NOL4L: variants seen among roughly 807,000 people sequenced by gnomAD.
NOL4L encodes the protein nucleolar protein 4-like.
NOL4L carries 7 observed loss-of-function variants against 64.5 expected under a neutral mutation model. The ratio of observed to expected loss-of-function variants is 0.11; its 90% CI spans 0.06 to 0.20. The LOEUF (loss-of-function observed/expected upper bound fraction) is 0.20, where lower values mean the gene tolerates loss of function less well. Among genes scored for constraint, NOL4L ranks in the 10% least tolerant of loss-of-function variants. The pLI is 1.00. For missense variants in NOL4L, 680 were observed against 967.1 expected (o/e 0.70, Z 3.94); for synonymous variants, 413 against 401.0 (o/e 1.03, Z -0.36).
chr20:32,552,296 C>T (rs1978345763), intron 1 of NOL4L, among the ~76,000 whole-genome samples: 1 of 151,988 alleles, frequency 6.6e-6, no homozygotes, highest in South Asian at 2.1e-4. Context: ...GTGATTTCGC[C>T]CGGGGAGAGG....
chr20:32,581,143 C>T (rs976660334), intron 1 of NOL4L, among the ~76,000 whole-genome samples: 10 of 152,164 alleles, frequency 6.6e-5, no homozygotes, highest in Non-Finnish European at 8.8e-5. Context: ...CCTAGCTGCC[C>T]GTGGAGGACT....
chr20:32,506,843 C>T (rs1261017267), intron 4 of NOL4L, among the ~76,000 whole-genome samples: 1 of 152,142 alleles, frequency 6.6e-6, no homozygotes, highest in East Asian at 1.9e-4. Context: ...AATTCTGGGC[C>T]AGGACAGAAC....
At chr20:32,468,685 G>A (rs1028265902) in intron 5 of NOL4L, among the ~76,000 whole-genome samples, 2 of 152,106 alleles carry the variant, frequency 1.3e-5, no homozygotes, top group Non-Finnish European at 2.9e-5. Context: ...CAGATCATGA[G>A]GTCAGGAGTT....
At chr20:32,493,824 G>T (rs749268813) in intron 4 of NOL4L, among the ~76,000 whole-genome samples, 4 of 152,212 alleles carry the variant, frequency 2.6e-5, no homozygotes, top group African/African-American at 9.6e-5. Context: ...TGCTGGTGCT[G>T]CTGCGGCCTC....
At chr20:32,465,882 G>A (rs1295350457) in intron 5 of NOL4L, among the ~76,000 whole-genome samples, 3 of 152,194 alleles carry the variant, frequency 2.0e-5, no homozygotes, top group Non-Finnish European at 4.4e-5. Context: ...CTGCAGGATG[G>A]AGCTCTGTAT....
rs1358069529 is a variant in NOL4L, at chr20:32,447,376, G to C, written c.*220C>G. On this transcript the variant is annotated 3_prime_UTR_variant, in exon 11 of 11. Coordinates refer to ENST00000621426, the MANE Select transcript of NOL4L (RefSeq NM_001256798.2). ...CTGCCCCGTTGGCCTCTTCCAAGCA[G>C]GTCAGAGCACCCGTGTGGTGAGATT... 1 of 607,864 alleles carries C rather than the reference G, an allele frequency of 1.6e-6. No individual in the cohort carries two copies. The highest frequency in any genetic ancestry group is 2.3e-5 in the African/African-American group (1 of 42,846). 37.7% of individuals were successfully genotyped at this position (607,864 alleles called of 1,614,324 possible).
At chr20:32,533,156 A>G (rs919061064) in intron 1 of NOL4L, among the ~76,000 whole-genome samples, 1 of 152,218 alleles carries the variant, frequency 6.6e-6, no homozygotes, top group Admixed American at 6.5e-5. Context: ...CTACACATTT[A>G]TGGAGCTACA....
At chr20:32,560,985 TG>T (rs1343979464) in intron 1 of NOL4L, 2 of 152,212 alleles carry the variant, frequency 1.3e-5, no homozygotes, top group Non-Finnish European at 2.9e-5. Flanking sequence ...CCTGGGCTGC[TG>T]GGGGGGCCCA....
chr20:32,461,210 ACC>A (rs1324386843), intron 5 of NOL4L, among the ~76,000 whole-genome samples: 11 of 152,144 alleles, frequency 7.2e-5, no homozygotes, highest in Non-Finnish European at 1.6e-4. Context: ...CTTTGGGCCC[ACC>A]AGGCCCTTCC....
At chr20:32,475,343 G>A (rs2015320355) in intron 4 of NOL4L, 8 of 985,484 alleles carry the variant, frequency 8.1e-6, no homozygotes, top group Non-Finnish European at 9.6e-6. Context: ...GAAAGGGCCA[G>A]CCCCAGAAGT....
intron 4 of NOL4L, among the ~76,000 whole-genome samples, chr20:32,504,420 T>C (rs1479193264): frequency 6.6e-6 from 1 of 151,762 alleles, no homozygotes; most frequent in East Asian, 2.0e-4. Context: ...ATTAGCCAGG[T>C]GTCATGGCGG....
intron 4 of NOL4L, among the ~76,000 whole-genome samples, chr20:32,508,647 A>C (rs1208510163): frequency 1.3e-5 from 2 of 148,704 alleles, no homozygotes; most frequent in African/African-American, 5.2e-5. Flanking sequence ...ACTACTAATG[A>C]AGCTGAGGAA....
In NOL4L at chr20:32,464,261, AG is replaced by A. The variant is rs944649280; in HGVS notation, c.842-7867del. ...TGTGTTTACACGATGCGTAGTTCCA[AG>A]GAGCACCAGGCTCAGGGCAGGCTGC... On this transcript the variant is annotated intron_variant, in intron 5 of 10. Coordinates refer to ENST00000621426, the MANE Select transcript of NOL4L (RefSeq NM_001256798.2). The surrounding 1 kb of genome is among the most constrained non-coding windows in gnomAD (Gnocchi z 5.6). 1.9e-4 allele frequency among the ~76,000 whole-genome samples: 29 copies of A among 152,192 alleles called. No homozygotes were observed. The highest frequency in any genetic ancestry group is 4.4e-5 in the Non-Finnish European group (3 of 68,026).
Position 32,506,963 on chromosome 20 carries a change from A to C in NOL4L, c.699+4384T>G, listed in dbSNP as rs557178154. 2.6e-5 allele frequency among the ~76,000 whole-genome samples: 4 copies of C among 152,166 alleles called. No individual in the cohort carries two copies. In the South Asian group the frequency reaches 6.2e-4, roughly 24 times the overall value. On this transcript the variant is annotated intron_variant, in intron 4 of 10. Coordinates refer to ENST00000621426, the MANE Select transcript of NOL4L (RefSeq NM_001256798.2). ...ACACACTGCTGTGAGGACCATTAAA[A>C]CCATTAGCGGGACATTAGCTCTGCT...
intron 5 of NOL4L, among the ~76,000 whole-genome samples, chr20:32,457,301 C>T (rs930317692): frequency 1.3e-5 from 2 of 152,234 alleles, no homozygotes; most frequent in African/African-American, 2.4e-5. Flanking sequence ...TGAAGCTGCA[C>T]GGGAACTCCC....
rs146568886 is a variant in NOL4L at position 32,494,490 on chromosome 20, T to G, written c.699+16857A>C. Among the ~76,000 whole-genome samples the G allele has an allele frequency of 2.1e-3, 326 of 152,254 alleles. 2 individuals carry two copies. The highest frequency in any genetic ancestry group is 7.6e-3 in the African/African-American group (316 of 41,552). On this transcript the variant is annotated intron_variant, in intron 4 of 10. Coordinates refer to ENST00000621426, the MANE Select transcript of NOL4L (RefSeq NM_001256798.2). ...TCCCCGTTTCCTTTCTTTTCCATTC[T>G]TTTTCTCTGCCCAAGCCTTCGGCAT... is the stretch of plus-strand genomic sequence containing the variant.
At chr20:32,483,851 G>C (rs969710011) in intron 4 of NOL4L, among the ~76,000 whole-genome samples, 2 of 135,528 alleles carry the variant, frequency 1.5e-5, no homozygotes, top group Non-Finnish European at 3.2e-5. Context: ...GAGGAAGGAG[G>C]GGGAGCTGGG....
At chr20:32,583,060 C>G (rs1018433251) in intron 1 of NOL4L, among the ~76,000 whole-genome samples, 2 of 152,120 alleles carry the variant, frequency 1.3e-5, no homozygotes, top group African/African-American at 4.8e-5. Flanking sequence ...CTCGGGGAGC[C>G]CGGTCCCGGC....
intron 4 of NOL4L, among the ~76,000 whole-genome samples, chr20:32,508,115 C>G (rs1819800085): frequency 6.6e-6 from 1 of 152,176 alleles, no homozygotes; most frequent in African/African-American, 2.4e-5. Flanking sequence ...AATTTGCAAA[C>G]ACTACAGATG....
Sources: allele counts gnomAD v4.1 joint callset (sites outside exome capture counted in the v4.1 genomes callset), GRCh38; gene constraint gnomAD v4.1.1; non-coding constraint Gnocchi (gnomAD v3.1); transcripts MANE v1.5; gene names NCBI Gene and HGNC (gene_info 2026-07-23, HGNC 2026-07-21).